Variants in ZFYVE1 observed in about 807,000 individuals in gnomAD.
ZFYVE1 encodes zinc finger FYVE domain-containing protein 1.
A neutral mutation model predicts 74.4 loss-of-function variants in ZFYVE1; 30 were observed. The ratio of observed to expected loss-of-function variants is 0.40; its 90% confidence interval spans 0.30 to 0.55. ZFYVE1 has a LOEUF of 0.55. Among genes scored for constraint, ZFYVE1 ranks in the 20% least tolerant of loss-of-function variants. The pLI, the probability that ZFYVE1 is intolerant of heterozygous loss-of-function variation, is 0.42. For synonymous variants in ZFYVE1, 335 were observed against 385.1 expected (o/e 0.87, Z 1.52); for missense variants, 703 against 1,011.6 (o/e 0.69, Z 4.14).
chr14:73,013,817 G>A (rs917254163), intron 2 of ZFYVE1, among the ~76,000 whole-genome samples: 3 of 151,878 alleles, frequency 2.0e-5, no homozygotes, highest in Non-Finnish European at 2.9e-5. Context: ...AAATGTGTTC[G>A]ATACATTTAG....
At chr14:73,015,411 G>T (rs1158362155) in intron 2 of ZFYVE1, among the ~76,000 whole-genome samples, 1 of 77,594 alleles carries the variant, frequency 1.3e-5, no homozygotes, top group Admixed American at 1.7e-4. Flanking sequence ...GAAGGGGGGG[G>T]AAGGAAGGGG....
intron 2 of ZFYVE1, among the ~76,000 whole-genome samples, chr14:73,022,785 C>T (rs1190879752): frequency 6.6e-6 from 1 of 152,110 alleles, no homozygotes; most frequent in Non-Finnish European, 1.5e-5. Flanking sequence ...CTACCATCTC[C>T]CCAACTCAGA....
At chr14:73,015,828 G>A (rs185987312) in intron 2 of ZFYVE1, among the ~76,000 whole-genome samples, 1 of 152,304 alleles carries the variant, frequency 6.6e-6, no homozygotes, top group East Asian at 1.9e-4. Flanking sequence ...GTCTTGTTGG[G>A]CACGGTGGCT....
chr14:73,014,024 G>C (rs533363484), intron 2 of ZFYVE1, among the ~76,000 whole-genome samples: 1 of 152,264 alleles, frequency 6.6e-6, no homozygotes, highest in Non-Finnish European at 1.5e-5. Flanking sequence ...TGTCTATTAT[G>C]TTAATCCTGG....
chr14:72,984,410 T>C (rs1893424120), intron 4 of ZFYVE1, among the ~76,000 whole-genome samples: 1 of 151,738 alleles, frequency 6.6e-6, no homozygotes, highest in Non-Finnish European at 1.5e-5. Flanking sequence ...GCGCCTGTAA[T>C]CCCAGCTACT....
intron 2 of ZFYVE1, among the ~76,000 whole-genome samples, chr14:73,003,105 A>G (rs1401071537): frequency 7.9e-6 from 1 of 126,534 alleles, no homozygotes. Flanking sequence ...CCCAGGCTGG[A>G]GTCCAGGGGC....
chr14:73,023,079 TG>T (rs1223213858), intron 2 of ZFYVE1, among the ~76,000 whole-genome samples: 1 of 149,750 alleles, frequency 6.7e-6, no homozygotes, highest in Non-Finnish European at 1.5e-5. Flanking sequence ...GAAAATCGCT[TG>T]AATCCAGGAA....
intron 5 of ZFYVE1, among the ~76,000 whole-genome samples, chr14:72,980,730 G>C (rs2140349447): frequency 6.6e-6 from 1 of 152,168 alleles, no homozygotes; most frequent in Middle Eastern, 3.4e-3. Flanking sequence ...ACCGTGCCAG[G>C]CTAATTTTTT....
At chr14:72,981,935 G>C in intron 4 of ZFYVE1, 40 bp from the exon 5 acceptor site, 1 of 1,515,104 alleles carries the variant, frequency 6.6e-7, no homozygotes, top group Non-Finnish European at 9.1e-7. Context: ...GCACTCAGTA[G>C]AGAGCTCCGC....
intron 1 of ZFYVE1, among the ~76,000 whole-genome samples, chr14:73,025,878 G>A (rs978491888): frequency 6.6e-6 from 1 of 152,014 alleles, no homozygotes; most frequent in Admixed American, 6.6e-5. Context: ...TCCTTGGAAG[G>A]ACAGCCCTCT....
At chr14:73,003,006 C>T (rs973024516) in intron 2 of ZFYVE1, among the ~76,000 whole-genome samples, 1 of 150,452 alleles carries the variant, frequency 6.6e-6, no homozygotes, top group Non-Finnish European at 1.5e-5. Context: ...CCTCCCAAAG[C>T]ACTGGGATTA....
At chr14:73,017,160 T>C (rs185533672) in intron 2 of ZFYVE1, among the ~76,000 whole-genome samples, 109 of 152,256 alleles carry the variant, frequency 7.2e-4, no homozygotes, top group African/African-American at 2.5e-3. Context: ...TGATGTTTGG[T>C]TCAATTTTTT....
chr14:72,985,451 C>A (rs747556880), intron 4 of ZFYVE1, among the ~76,000 whole-genome samples: 11 of 152,204 alleles, frequency 7.2e-5, no homozygotes, highest in Non-Finnish European at 1.3e-4. Flanking sequence ...CCTGCACCAG[C>A]CTCCCAAGTA....
chr14:72,998,820 C>T (rs1893808225), intron 2 of ZFYVE1, among the ~76,000 whole-genome samples: 1 of 149,488 alleles, frequency 6.7e-6, no homozygotes, highest in African/African-American at 2.5e-5. Flanking sequence ...TACTGCACTC[C>T]AGCATGGGCA....
intron 4 of ZFYVE1, 42 bp from the exon 5 acceptor site, chr14:72,981,937 G>A: frequency 1.3e-6 from 2 of 1,513,246 alleles, no homozygotes; most frequent in Non-Finnish European, 1.8e-6. Flanking sequence ...ACTCAGTAGA[G>A]AGCTCCGCAC....
At chr14:73,015,784 G>A (rs982897454) in intron 2 of ZFYVE1, among the ~76,000 whole-genome samples, 5 of 152,142 alleles carry the variant, frequency 3.3e-5, no homozygotes, top group Non-Finnish European at 7.3e-5. Flanking sequence ...AAGTGAGGCC[G>A]CCAAGCCACA....
chr14:73,010,399 C>T (rs1170047570), intron 2 of ZFYVE1, among the ~76,000 whole-genome samples: 1 of 151,970 alleles, frequency 6.6e-6, no homozygotes. Context: ...GTCGGGAGTT[C>T]GAGACCAGCC....
At chr14:72,978,670 A>G (rs1893244130) in intron 6 of ZFYVE1, among the ~76,000 whole-genome samples, 191 bp downstream of exon 6, 2 of 152,088 alleles carry the variant, frequency 1.3e-5, no homozygotes, top group African/African-American at 4.8e-5. Context: ...TTAAAACAGT[A>G]AACAAAGGGA....
At chr14:73,006,165 C>G (rs1431164019) in intron 2 of ZFYVE1, among the ~76,000 whole-genome samples, 1 of 152,014 alleles carries the variant, frequency 6.6e-6, no homozygotes. Context: ...GTGATCCGCC[C>G]GCCTGGGCCT....
Sources: allele counts gnomAD v4.1 joint callset (sites outside exome capture counted in the v4.1 genomes callset), GRCh38; gene constraint gnomAD v4.1.1; transcripts MANE v1.5; gene names NCBI Gene and HGNC (gene_info 2026-07-23, HGNC 2026-07-21).